The following PTPN4 variants were observed in gnomAD, a reference collection of about 807,000 sequenced individuals.
PTPN4 encodes the protein tyrosine-protein phosphatase non-receptor type 4.
Under a neutral mutation model 135.5 loss-of-function variants are expected in PTPN4, and 49 were observed. The ratio of observed to expected loss-of-function variants is 0.36; its 90% CI spans 0.29 to 0.46. The LOEUF (loss-of-function observed/expected upper bound fraction) is 0.46, where lower values mean the gene tolerates loss of function less well. PTPN4 is among the 20% of genes least tolerant of loss of function. PTPN4 has a pLI of 1.00. For missense variants in PTPN4, 860 were observed against 1,101.0 expected, an observed-to-expected ratio of 0.78 and a Z score of 3.10; for synonymous variants, 333 against 369.9, an observed-to-expected ratio of 0.90 and a Z score of 1.14.
At position 119,861,740 on chromosome 2, in the gene PTPN4, T is replaced by C. The variant is rs1677763069; in HGVS notation, c.139-796T>C. 2.0e-5 allele frequency among the ~76,000 whole-genome samples: 3 copies of C among 152,222 alleles called. No individual in the cohort carries two copies. The South Asian group carries it at 6.2e-4, about 32-fold the overall frequency. ...GAACATGTTGATCATTTGTCTGTTT[T>C]TACTCATAAGTTATATTTTTTATTG... On this transcript the variant is annotated intron_variant, in intron 2 of 26. Transcript: ENST00000263708.
intron 2 of PTPN4, among the ~76,000 whole-genome samples, chr2:119,835,077 A>C (rs1345917151): frequency 6.6e-6 from 1 of 152,152 alleles, no homozygotes; most frequent in African/African-American, 2.4e-5. Context: ...CTGCTTTATA[A>C]AGGAGCTCAG....
chr2:119,890,387 T>A (rs932467469), intron 9 of PTPN4, among the ~76,000 whole-genome samples: 7 of 152,136 alleles, frequency 4.6e-5, no homozygotes, highest in Non-Finnish European at 8.8e-5. Flanking sequence ...TCCCTTTATT[T>A]TCAGTCTATA....
At chr2:119,771,732 C>A (rs1248434008) in intron 1 of PTPN4, 1 of 152,118 alleles carries the variant, frequency 6.6e-6, no homozygotes, top group African/African-American at 2.4e-5. Flanking sequence ...CCCTATCAGC[C>A]CTTGAGTTTT....
intron 1 of PTPN4, among the ~76,000 whole-genome samples, chr2:119,795,283 T>G (rs1339454841): frequency 6.6e-6 from 1 of 152,168 alleles, no homozygotes; most frequent in Non-Finnish European, 1.5e-5. Context: ...GGCTTCAGGC[T>G]CTCTGTGGCT....
chr2:119,837,144 C>T lies in PTPN4; in HGVS notation c.139-25392C>T, dbSNP rs767664908. Among the ~76,000 whole-genome samples, 9 of 152,200 alleles carry T rather than the reference C, an allele frequency of 5.9e-5. No individual in the cohort carries two copies. The East Asian group carries it at 1.4e-3, about 23-fold the overall frequency. On this transcript the variant is annotated intron_variant, in intron 2 of 26. Coordinates refer to ENST00000263708, the MANE Select transcript of PTPN4 (RefSeq NM_002830.4). ...ACTTAAAGTGCTTTTTCTGGGCCCA[C>T]GCATGGCCACCCATGGACCGGTTAG...
chr2:119,791,897 ATCTT>A (rs1691155547), intron 1 of PTPN4, among the ~76,000 whole-genome samples: 1 of 152,044 alleles, frequency 6.6e-6, no homozygotes, highest in Non-Finnish European at 1.5e-5. Context: ...TCTGTCTACT[ATCTT>A]TCTCGGACTT....
intron 23 of PTPN4, among the ~76,000 whole-genome samples, chr2:119,961,997 T>A (rs1445498930): frequency 6.6e-6 from 1 of 152,184 alleles, no homozygotes; most frequent in Non-Finnish European, 1.5e-5. Flanking sequence ...CACAGTTCTG[T>A]GAATATACTG....
At chr2:119,962,513 C>A in intron 23 of PTPN4, 103 bp from the exon 24 acceptor site, 3 of 669,080 alleles carry the variant, frequency 4.5e-6, no homozygotes, top group East Asian at 4.6e-5. Flanking sequence ...TTTCTTGTAA[C>A]TTTTATATGT....
intron 1 of PTPN4, among the ~76,000 whole-genome samples, chr2:119,765,874 CTGTCTGG>C (rs1690605105): frequency 1.3e-5 from 2 of 151,572 alleles, no homozygotes; most frequent in African/African-American, 4.8e-5. Context: ...ATGTCTGTCT[CTGTCTGG>C]GTGGGTGTGG....
chr2:119,763,537 A>C (rs892393822), intron 1 of PTPN4, among the ~76,000 whole-genome samples: 1 of 152,226 alleles, frequency 6.6e-6, no homozygotes, highest in Non-Finnish European at 1.5e-5. Flanking sequence ...GCTAAGGGAA[A>C]TGAAATAACT....
intron 13 of PTPN4, among the ~76,000 whole-genome samples, chr2:119,928,720 A>T (rs762601227): frequency 3.3e-5 from 5 of 152,152 alleles, no homozygotes; most frequent in African/African-American, 1.2e-4. Flanking sequence ...TTAGTGTTGT[A>T]ACAGCGTAGC....
At chr2:119,818,191 A>G (rs1377388150) in intron 2 of PTPN4, among the ~76,000 whole-genome samples, 1 of 152,152 alleles carries the variant, frequency 6.6e-6, no homozygotes, top group Non-Finnish European at 1.5e-5. Flanking sequence ...AGAACTTCCA[A>G]TACTATGTTG....
intron 18 of PTPN4, 143 bp downstream of exon 18, chr2:119,946,717 T>C: frequency 1.5e-6 from 1 of 671,496 alleles, no homozygotes; most frequent in Non-Finnish European, 2.4e-6. Context: ...TCTCTTTAAG[T>C]TGCTGGGAAG....
At position 119,900,817 on chromosome 2, in the gene PTPN4, C is replaced by G; in HGVS notation, c.764+11C>G. Reference sequence around the variant, plus strand: ...GAATACCTTTCCATGGTAAGAACATCTATTGATACTTTTATGTTTACCACT... The same window carrying G: ...GAATACCTTTCCATGGTAAGAACATGTATTGATACTTTTATGTTTACCACT... On this transcript the variant is annotated intron_variant, in intron 10 of 26. Coordinates refer to ENST00000263708, the MANE Select transcript of PTPN4 (RefSeq NM_002830.4). The G allele has an allele frequency of 6.9e-7, 1 of 1,455,934 alleles. No individual in the cohort carries two copies. Among genetic ancestry groups the G allele is most frequent in the South Asian group, 1.3e-5 (1 of 78,134 alleles). 90.2% of individuals were successfully genotyped at this position (1,455,934 alleles called of 1,614,324 possible). A position where few individuals can be genotyped will look rare whatever the true frequency, so the allele number is the denominator to read the frequency against.
At chr2:119,962,218 A>ACT (rs908470823) in intron 23 of PTPN4, among the ~76,000 whole-genome samples, 2 of 152,036 alleles carry the variant, frequency 1.3e-5, no homozygotes, top group African/African-American at 4.8e-5. Context: ...ACTTTGGGAG[A>ACT]CGGAGGCAGG....
Position 119,765,069 on chromosome 2 carries a change from G to C in PTPN4, c.-18+4685G>C, listed in dbSNP as rs527622636. ...AGTCAAATCTGGTGTGGAATCTAGCGTCAAAAGCCTTGGGCAAAGTGTCTC... is the reference window on the plus strand; with the variant it reads ...AGTCAAATCTGGTGTGGAATCTAGCCTCAAAAGCCTTGGGCAAAGTGTCTC... On this transcript the variant is annotated intron_variant, in intron 1 of 26. Coordinates refer to ENST00000263708, the MANE Select transcript of PTPN4 (RefSeq NM_002830.4). Among the ~76,000 whole-genome samples the C allele has an allele frequency of 3.9e-4, 59 of 152,268 alleles. No individual in the cohort carries two copies. In the South Asian group the frequency reaches 0.012, roughly 32 times the overall value.
Position 119,950,173 on chromosome 2 carries a change from A to G in PTPN4, c.1657-1800A>G, listed in dbSNP as rs575502031. ...AATGTGAGGAAAAGCTCTGTCTGCTATAGCCCATTATTACATTTTCCCCAG... is the reference window on the plus strand; with the variant it reads ...AATGTGAGGAAAAGCTCTGTCTGCTGTAGCCCATTATTACATTTTCCCCAG... On this transcript the variant is annotated intron_variant, in intron 18 of 26. Transcript: ENST00000263708. Among the ~76,000 whole-genome samples, 404 of 152,294 alleles carry G rather than the reference A, an allele frequency of 2.7e-3. 2 individuals carry two copies. The highest frequency in any genetic ancestry group is 4.2e-3 in the Non-Finnish European group (284 of 68,018).
intron 13 of PTPN4, 96 bp from the exon 14 acceptor site, chr2:119,932,328 T>C: frequency 8.1e-7 from 1 of 1,234,818 alleles, no homozygotes; most frequent in Non-Finnish European, 1.1e-6. Context: ...GTTGCTCATC[T>C]AGAACATAAT....
In PTPN4 at chr2:119,946,319, T is replaced by C. The variant is rs759965646; in HGVS notation, c.1516-22T>C. ...ATTTTAAGTGAAGAAAATTACAAGT[T>C]ATTTAATTTTGTCTTTTTAAGCCTA... On this transcript the variant is annotated intron_variant, in intron 16 of 26. Coordinates refer to ENST00000263708, the MANE Select transcript of PTPN4 (RefSeq NM_002830.4). 4.0e-6 allele frequency: 6 copies of C among 1,516,464 alleles called. No individual in the cohort carries two copies. The South Asian group carries it at 7.3e-5, about 18-fold the overall frequency. The allele number at this position is 1,516,464 out of a possible 1,614,324, so 93.9% of individuals were successfully genotyped here.
Sources: allele counts gnomAD v4.1 joint callset (sites outside exome capture counted in the v4.1 genomes callset), GRCh38; gene constraint gnomAD v4.1.1; transcripts MANE v1.5; gene names NCBI Gene and HGNC (gene_info 2026-07-23, HGNC 2026-07-21).